Variants in TMEM117 observed in about 807,000 individuals in gnomAD.
TMEM117 encodes the protein transmembrane protein 117.
A neutral mutation model predicts 52.4 loss-of-function variants in TMEM117; 27 were observed. The observed-to-expected ratio is 0.51, with a 90% CI of 0.38 to 0.71. TMEM117 has a LOEUF of 0.71. Among genes scored for constraint, TMEM117 ranks in the 30% least tolerant of loss-of-function variants. The probability of loss-of-function intolerance (pLI) is 0.00; values close to 1 mark genes in which losing one functional copy is unlikely to be tolerated. For synonymous variants in TMEM117, 215 were observed against 206.3 expected (o/e 1.04, Z -0.36); for missense variants, 556 against 630.5 (o/e 0.88, Z 1.26).
intron 2 of TMEM117, among the ~76,000 whole-genome samples, chr12:43,924,206 C>T (rs2137563482): frequency 6.6e-6 from 1 of 152,240 alleles, no homozygotes; most frequent in Non-Finnish European, 1.5e-5. Flanking sequence ...CTTTCTATAA[C>T]TGAGACAAGT....
intron 6 of TMEM117, among the ~76,000 whole-genome samples, chr12:44,362,883 C>G (rs999726578): frequency 2.6e-5 from 4 of 150,944 alleles, no homozygotes; most frequent in African/African-American, 4.9e-5. Context: ...GATGGAGTCT[C>G]CCTCTGTTAC....
chr12:43,815,066 T>C, the TMEM117 span, among the ~76,000 whole-genome samples: 2 of 152,114 alleles, frequency 1.3e-5, no homozygotes, highest in African/African-American at 4.8e-5. Flanking sequence ...TCTTACCCTG[T>C]CACTTGCCAG....
At chr12:44,343,330 G>A (rs1951442389) in intron 6 of TMEM117, among the ~76,000 whole-genome samples, 1 of 152,022 alleles carries the variant, frequency 6.6e-6, no homozygotes, top group South Asian at 2.1e-4. Context: ...CTCCCTTTCA[G>A]TTGTTATTTC....
At chr12:44,157,264 C>T (rs4459374) in intron 4 of TMEM117, among the ~76,000 whole-genome samples, 51,304 of 151,916 alleles carry the variant, frequency 0.34, 10,803 homozygotes, top group East Asian at 0.76. Context: ...GGTATTGTTG[C>T]CATTTGCTCA....
chr12:43,814,128 A>G, the TMEM117 span, among the ~76,000 whole-genome samples: 1 of 152,080 alleles, frequency 6.6e-6, no homozygotes, highest in African/African-American at 2.4e-5. Context: ...AATTTTCATT[A>G]AAAAAATACA....
intron 3 of TMEM117, among the ~76,000 whole-genome samples, chr12:44,128,624 G>A (rs770042137): frequency 6.6e-6 from 1 of 152,098 alleles, no homozygotes; most frequent in Non-Finnish European, 1.5e-5. Flanking sequence ...TTTCAGGGCT[G>A]GGTATGCTCC....
chr12:44,304,152 A>G (rs537616946), intron 6 of TMEM117, among the ~76,000 whole-genome samples: 3 of 152,302 alleles, frequency 2.0e-5, no homozygotes, highest in African/African-American at 7.2e-5. Flanking sequence ...CCCATCCCCC[A>G]GCAGTGGCCA....
At chr12:44,285,236 C>T (rs1950624616) in intron 5 of TMEM117, among the ~76,000 whole-genome samples, 1 of 152,122 alleles carries the variant, frequency 6.6e-6, no homozygotes, top group Non-Finnish European at 1.5e-5. Flanking sequence ...ATTTTGTTTA[C>T]ACTTTTGAGG....
chr12:43,979,511 G>C lies in TMEM117; in HGVS notation c.410+35169G>C, dbSNP rs577042475. On this transcript the variant is annotated intron_variant, in intron 3 of 7. Coordinates refer to ENST00000266534, the MANE Select transcript of TMEM117 (RefSeq NM_032256.3). ...AGCTGGCCTTTCATTATTGATAGTT[G>C]GTATTGTAAATGCAAATTTTTCTCT... 3.3e-5 allele frequency among the ~76,000 whole-genome samples: 5 copies of C among 152,164 alleles called. No homozygotes were observed. In the East Asian group the frequency reaches 9.7e-4, roughly 29 times the overall value.
chr12:43,946,378 G>GTTTTTTTTTTTTTTTTTTTT (rs1244597058), intron 3 of TMEM117, among the ~76,000 whole-genome samples: 1 of 113,494 alleles, frequency 8.8e-6, no homozygotes, highest in Non-Finnish European at 1.7e-5. Flanking sequence ...ATATAATTCT[G>GTTTTTTTTTTTTTTTTTTTT]TTTTTTTTTT....
chr12:44,304,842 A>G (rs1950885064), intron 6 of TMEM117, among the ~76,000 whole-genome samples: 1 of 152,210 alleles, frequency 6.6e-6, no homozygotes, highest in East Asian at 1.9e-4. Context: ...GCCTTGAGTG[A>G]CATCCAGAGC....
chr12:44,333,788 T>C (rs1165151484), intron 6 of TMEM117, among the ~76,000 whole-genome samples: 1 of 151,994 alleles, frequency 6.6e-6, no homozygotes, highest in African/African-American at 2.4e-5. Context: ...ATTTGTATTA[T>C]GGAGAAGTAA....
At chr12:44,315,862 A>G (rs2138684602) in intron 6 of TMEM117, among the ~76,000 whole-genome samples, 1 of 152,308 alleles carries the variant, frequency 6.6e-6, no homozygotes, top group Middle Eastern at 3.4e-3. Flanking sequence ...TTTATCTGAT[A>G]TAAAAATAGC....
intron 3 of TMEM117, among the ~76,000 whole-genome samples, chr12:44,124,751 G>A (rs1948293831): frequency 6.6e-6 from 1 of 152,206 alleles, no homozygotes. Context: ...CAGGGATGAA[G>A]CCTGCTTGAT....
chr12:43,825,578 T>C, the TMEM117 span, among the ~76,000 whole-genome samples: 1 of 152,192 alleles, frequency 6.6e-6, no homozygotes, highest in African/African-American at 2.4e-5. Context: ...AATACTCCCT[T>C]TGACATAAAG....
At chr12:44,239,545 A>G (rs1950037084) in intron 5 of TMEM117, among the ~76,000 whole-genome samples, 1 of 152,140 alleles carries the variant, frequency 6.6e-6, no homozygotes, top group Admixed American at 6.6e-5. Context: ...AGCGATCTCA[A>G]TATTCATTCA....
chr12:43,917,661 T>G (rs1944628121), intron 2 of TMEM117, among the ~76,000 whole-genome samples: 1 of 152,174 alleles, frequency 6.6e-6, no homozygotes, highest in Non-Finnish European at 1.5e-5. Flanking sequence ...TTAAAAGATC[T>G]TGGGCTGCAA....
At chr12:44,239,376 G>A (rs950133569) in intron 5 of TMEM117, among the ~76,000 whole-genome samples, 3 of 152,002 alleles carry the variant, frequency 2.0e-5, no homozygotes, top group Admixed American at 2.0e-4. Flanking sequence ...CTGTACCTGT[G>A]GCATTAAGGA....
intron 3 of TMEM117, among the ~76,000 whole-genome samples, chr12:43,977,890 T>C (rs1200018111): frequency 6.6e-6 from 1 of 152,198 alleles, no homozygotes; most frequent in African/African-American, 2.4e-5. Context: ...GAAGAGCATG[T>C]GTGCTAATTA....
Sources: allele counts gnomAD v4.1 joint callset (sites outside exome capture counted in the v4.1 genomes callset), GRCh38; gene constraint gnomAD v4.1.1; transcripts MANE v1.5; gene names NCBI Gene and HGNC (gene_info 2026-07-23, HGNC 2026-07-21).